The following OGG1 variants were observed in gnomAD, a reference collection of about 807,000 sequenced individuals.
OGG1 encodes N-glycosylase/DNA lyase.
A neutral mutation model predicts 42.3 loss-of-function variants in OGG1; 35 were observed. The observed-to-expected ratio is 0.83, with a 90% CI of 0.63 to 1.10. The LOEUF (loss-of-function observed/expected upper bound fraction) is 1.10. Ranked by LOEUF, OGG1 falls within the 50% of genes least tolerant of loss-of-function variation. OGG1 has a pLI of 0.00. For missense variants in OGG1, 484 were observed against 446.7 expected (o/e 1.08, Z -0.75); for synonymous variants, 189 against 179.0 (o/e 1.06, Z -0.44).
At chr3:9,758,035 CAT>C (rs1407288559), downstream of OGG1, 56 of 796,138 alleles carry the variant, frequency 7.0e-5, no homozygotes, top group Non-Finnish European at 1.0e-4. Flanking sequence ...CACACACGCA[CAT>C]ATGTTAGATG....
At chr3:9,761,003 T>C, downstream of OGG1, 1 of 517,490 alleles carries the variant, frequency 1.9e-6, no homozygotes. Flanking sequence ...CTTCTGCCTA[T>C]GCCACTCTTT....
Position 9,757,071 on chromosome 3 carries a change from G to T in OGG1, c.959G>T (p.Ser320Ile). 6.2e-7 allele frequency: 1 copy of T among 1,614,080 alleles called. No individual in the cohort carries two copies. The highest frequency in any genetic ancestry group is 8.5e-7 in the Non-Finnish European group (1 of 1,180,040). The change falls in exon 7 of 7, where the codon AGT becomes ATT. Residue 320 changes from serine (S) to isoleucine (I), a missense_variant. Physicochemically the swap from Ser to Ile is moderately radical, Grantham distance 142 (BLOSUM62 -2). Coordinates refer to ENST00000344629, the MANE Select transcript of OGG1 (RefSeq NM_002542.6). The surrounding 1 kb of genome is among the most constrained non-coding windows in gnomAD (Gnocchi z 4.5). Reference sequence around the variant, plus strand: ...TCCACCCTCCTACAGGTGCTGTTCAGTGCCGACCTGCGCCAATCCCGCCAT... The same window carrying T: ...TCCACCCTCCTACAGGTGCTGTTCATTGCCGACCTGCGCCAATCCCGCCAT... ...YAGWAQAVLF[S>I]ADLRQSRHAQ... is the part of the protein sequence containing the mutation.
downstream of OGG1, among the ~76,000 whole-genome samples, chr3:9,769,179 C>T (rs1338929397): frequency 1.3e-5 from 2 of 151,924 alleles, no homozygotes; most frequent in Non-Finnish European, 2.9e-5. Context: ...CCAAACATCC[C>T]TCACCCAGCT....
chr3:9,754,567 C>A, intron 3 of OGG1, 137 bp from the exon 4 acceptor site: 1 of 879,818 alleles, frequency 1.1e-6, no homozygotes. Context: ...AAAGTGTCCA[C>A]TATCCCATAG....
intron 3 of OGG1, 58 bp from the exon 4 acceptor site, chr3:9,754,646 T>C: frequency 2.5e-6 from 4 of 1,586,954 alleles, no homozygotes; most frequent in Admixed American, 1.7e-5. Context: ...CTTACTAGCC[T>C]AAGGACAGGA....
downstream of OGG1, chr3:9,789,909 G>A (rs1274734338): frequency 1.2e-6 from 2 of 1,613,196 alleles, no homozygotes; most frequent in Non-Finnish European, 8.5e-7. Flanking sequence ...TCATGGTCTC[G>A]ACCCAGCTTC....
intron 3 of OGG1, among the ~76,000 whole-genome samples, chr3:9,782,098 A>G (rs2078482764): frequency 1.3e-5 from 2 of 152,076 alleles, no homozygotes; most frequent in East Asian, 3.9e-4. Context: ...TCAGTCTCCC[A>G]AAGTGCTGGG....
At chr3:9,789,712 C>A (rs1180492093), downstream of OGG1, 2 of 1,611,960 alleles carry the variant, frequency 1.2e-6, no homozygotes. Context: ...TAGCCCAGAA[C>A]CTGTTGGGGG....
At chr3:9,763,141 C>G in intron 7 of OGG1, 1 of 1,614,140 alleles carries the variant, frequency 6.2e-7, no homozygotes, top group South Asian at 1.1e-5. Flanking sequence ...CCACTCACAG[C>G]TGCATGATGA....
At chr3:9,752,096 T>A (rs2077329405) in intron 3 of OGG1, 147 bp downstream of exon 3, 3 of 720,692 alleles carry the variant, frequency 4.2e-6, no homozygotes. Context: ...CAACTCCAGT[T>A]ACTCATCCTC....
intron 2 of OGG1, among the ~76,000 whole-genome samples, chr3:9,773,058 G>A (rs2078320927): frequency 6.6e-6 from 1 of 152,040 alleles, no homozygotes; most frequent in Non-Finnish European, 1.5e-5. Flanking sequence ...GTGAAACCCT[G>A]TCTCTACTAA....
intron 2 of OGG1, among the ~76,000 whole-genome samples, chr3:9,773,258 G>C (rs572339058): frequency 6.6e-6 from 1 of 151,480 alleles, no homozygotes; most frequent in Non-Finnish European, 1.5e-5. Flanking sequence ...GGCTGGGTGC[G>C]GTGGCTAACG....
chr3:9,788,543 CTTT>C (rs879587825), downstream of OGG1, among the ~76,000 whole-genome samples: 2 of 133,868 alleles, frequency 1.5e-5, no homozygotes, highest in East Asian at 2.2e-4. Context: ...CCGCACCCGG[CTTT>C]TTTTTTTTTA....
chr3:9,767,812 C>A, downstream of OGG1: 1 of 1,602,798 alleles, frequency 6.2e-7, no homozygotes, highest in Non-Finnish European at 8.5e-7. Flanking sequence ...GGAGACTCAG[C>A]AGAGCCCAGC....
intron 7 of OGG1, among the ~76,000 whole-genome samples, chr3:9,764,342 C>T (rs2078036288): frequency 6.6e-6 from 1 of 151,974 alleles, no homozygotes; most frequent in Admixed American, 6.6e-5. Flanking sequence ...GTTGCTCAGG[C>T]TGGAGTGTTG....
At chr3:9,766,274 C>T in exon 8 of OGG1, 1 of 704,082 alleles carries the variant, frequency 1.4e-6, no homozygotes, top group Admixed American at 2.0e-5. Flanking sequence ...AAATATATTT[C>T]CTGATAACAT....
intron 3 of OGG1, among the ~76,000 whole-genome samples, chr3:9,782,924 G>A (rs905565885): frequency 5.3e-5 from 8 of 152,172 alleles, no homozygotes; most frequent in Non-Finnish European, 1.2e-4. Flanking sequence ...TTACCTAAAG[G>A]GTAGCTATTC....
downstream of OGG1, among the ~76,000 whole-genome samples, chr3:9,788,981 G>A (rs563431711): frequency 6.6e-6 from 1 of 151,870 alleles, no homozygotes; most frequent in Non-Finnish European, 1.5e-5. Context: ...GACTACAGGC[G>A]CACACCGCCA....
intron 3 of OGG1, chr3:9,783,954 C>A: frequency 6.7e-7 from 1 of 1,499,040 alleles, no homozygotes; most frequent in Non-Finnish European, 8.9e-7. Flanking sequence ...TGTTGTAAAA[C>A]CCCTGAAAGG....
Sources: allele counts gnomAD v4.1 joint callset (sites outside exome capture counted in the v4.1 genomes callset), GRCh38; gene constraint gnomAD v4.1.1; non-coding constraint Gnocchi (gnomAD v3.1); transcripts MANE v1.5; gene names NCBI Gene and HGNC (gene_info 2026-07-23, HGNC 2026-07-21).